The following ANGPT2 variants were observed in gnomAD, a reference collection of about 807,000 sequenced individuals.
The protein encoded by ANGPT2 is angiopoietin-2.
ANGPT2 carries 28 observed loss-of-function variants against 62.9 expected under a neutral mutation model. The ratio of observed to expected loss-of-function variants is 0.44; its 90% CI spans 0.33 to 0.61. The LOEUF (loss-of-function observed/expected upper bound fraction) is 0.61, where lower values mean the gene tolerates loss of function less well. Among genes scored for constraint, ANGPT2 ranks in the 20% least tolerant of loss-of-function variants. The probability of loss-of-function intolerance (pLI) is 0.03; values close to 1 mark genes in which losing one functional copy is unlikely to be tolerated. For missense variants in ANGPT2, 727 were observed against 594.9 expected (o/e 1.22, Z -2.31); for synonymous variants, 284 against 207.8 (o/e 1.37, Z -3.15).
At chr8:6,549,039 G>A (rs1223057802) in intron 1 of ANGPT2, among the ~76,000 whole-genome samples, 2 of 152,210 alleles carry the variant, frequency 1.3e-5, no homozygotes, top group African/African-American at 4.8e-5. Flanking sequence ...AGACCACTCA[G>A]CGTATTTTCT....
chr8:6,533,501 A>C (rs1178721960), intron 1 of ANGPT2, among the ~76,000 whole-genome samples: 1 of 151,802 alleles, frequency 6.6e-6, no homozygotes, highest in African/African-American at 2.4e-5. Flanking sequence ...GAGTGTCTTA[A>C]AGAGGGGTTA....
Position 6,503,336 on chromosome 8 carries a change from C to G in ANGPT2, c.1328-75G>C, listed in dbSNP as rs1812579055. The G allele has an allele frequency of 9.8e-6, 15 of 1,537,552 alleles. No individual in the cohort carries two copies. The East Asian group carries it at 3.4e-4, about 35-fold the overall frequency. ...CCACCACGAAGACAGCAATACTCAG[C>G]TAAGGCAGGAGGCACACTGCAGGCG... On this transcript the variant is annotated intron_variant, in intron 8 of 8. Coordinates refer to ENST00000629816, the MANE Select transcript of ANGPT2 (RefSeq NM_001118887.2).
intron 8 of ANGPT2, 40 bp from the exon 9 acceptor site, chr8:6,503,301 A>G: frequency 6.2e-7 from 1 of 1,610,472 alleles, no homozygotes; most frequent in East Asian, 2.2e-5. Context: ...GAACTAGGTG[A>G]TGCCAGCTCC....
chr8:6,509,166 GTAC>G (rs1814416319), intron 7 of ANGPT2, 104 bp from the exon 8 acceptor site: 3 of 1,448,774 alleles, frequency 2.1e-6, no homozygotes, highest in Non-Finnish European at 2.8e-6. Flanking sequence ...AGCGTGTTCT[GTAC>G]TCGTTAATGG....
chr8:6,505,465 T>TGTA (rs1813346493), intron 8 of ANGPT2, among the ~76,000 whole-genome samples: 1 of 76,908 alleles, frequency 1.3e-5, no homozygotes, highest in Non-Finnish European at 2.8e-5. Flanking sequence ...AATATATATA[T>TGTA]TCTTTACATA....
At chr8:6,547,057 C>T (rs1476551028) in intron 1 of ANGPT2, among the ~76,000 whole-genome samples, 4 of 152,048 alleles carry the variant, frequency 2.6e-5, no homozygotes, top group Non-Finnish European at 4.4e-5. Context: ...TCCGTGTGTA[C>T]CGTGGTTGCC....
intron 1 of ANGPT2, among the ~76,000 whole-genome samples, chr8:6,551,539 G>A (rs1166851112): frequency 6.6e-6 from 1 of 152,122 alleles, no homozygotes; most frequent in South Asian, 2.1e-4. Flanking sequence ...TTGAGGGGCT[G>A]GTGTTCTGAT....
chr8:6,558,482 C>G (rs1178625696), intron 1 of ANGPT2, among the ~76,000 whole-genome samples: 1 of 152,176 alleles, frequency 6.6e-6, no homozygotes, highest in East Asian at 1.9e-4. Flanking sequence ...CCAGACCATC[C>G]TGAGCATCTG....
chr8:6,515,414 G>C (rs1168060472), intron 5 of ANGPT2, among the ~76,000 whole-genome samples: 4 of 152,268 alleles, frequency 2.6e-5, no homozygotes, highest in East Asian at 3.9e-4. Flanking sequence ...GCTTGGCTTA[G>C]CACCTTGGCC....
intron 2 of ANGPT2, 116 bp from the exon 3 acceptor site, chr8:6,527,792 T>G (rs1818624257): frequency 2.1e-6 from 2 of 968,390 alleles, no homozygotes; most frequent in Non-Finnish European, 3.0e-6. Flanking sequence ...CATTATTTAT[T>G]AACCCAAGTA....
At chr8:6,534,838 C>G (rs75195933) in intron 1 of ANGPT2, among the ~76,000 whole-genome samples, 10,042 of 152,080 alleles carry the variant, frequency 0.066, 1,140 homozygotes, top group African/African-American at 0.23. Flanking sequence ...AAAACTGTAA[C>G]TTTTGTGATT....
At chr8:6,526,616 C>G (rs896535571) in intron 3 of ANGPT2, among the ~76,000 whole-genome samples, 25 of 152,048 alleles carry the variant, frequency 1.6e-4, no homozygotes, top group African/African-American at 5.8e-4. Context: ...ACTTGGTATC[C>G]AAAGGACAGA....
intron 1 of ANGPT2, among the ~76,000 whole-genome samples, chr8:6,549,690 G>A: frequency 6.8e-6 from 1 of 147,668 alleles, no homozygotes; most frequent in Non-Finnish European, 1.5e-5. Context: ...CTTCCGTATC[G>A]AGCTGGGCGG....
intron 3 of ANGPT2, among the ~76,000 whole-genome samples, chr8:6,523,300 A>G (rs1817716400): frequency 6.6e-6 from 1 of 152,060 alleles, no homozygotes; most frequent in Admixed American, 6.6e-5. Context: ...CCTGGCAGAA[A>G]AGCTTTTTAA....
rs1481243206 is a variant in ANGPT2, at chr8:6,502,405, A to C, written c.*696T>G. ...ACTAAAATGGCACGTTTCTGTTGAT[A>C]ATTTCAGAGATTCTGGAAGTTTCTA... On this transcript the variant is annotated 3_prime_UTR_variant, in exon 9 of 9. Coordinates refer to ENST00000629816, the MANE Select transcript of ANGPT2 (RefSeq NM_001118887.2). The C allele has an allele frequency of 1.3e-5, 2 of 152,246 alleles. No homozygotes were observed. The highest frequency in any genetic ancestry group is 4.8e-5 in the African/African-American group (2 of 41,468). 9.4% of individuals were successfully genotyped at this position (152,246 alleles called of 1,614,324 possible).
chr8:6,538,930 T>C (rs1586480418), intron 1 of ANGPT2, among the ~76,000 whole-genome samples: 1 of 152,238 alleles, frequency 6.6e-6, no homozygotes, highest in Non-Finnish European at 1.5e-5. Flanking sequence ...CTAATGTTCT[T>C]GGTTCCCTGT....
intron 5 of ANGPT2, among the ~76,000 whole-genome samples, chr8:6,515,929 AAG>A (rs1364864863): frequency 1.3e-5 from 2 of 152,180 alleles, no homozygotes; most frequent in African/African-American, 2.4e-5. Flanking sequence ...TACATGAGGA[AAG>A]AGGGGTGCAG....
intron 2 of ANGPT2, among the ~76,000 whole-genome samples, chr8:6,530,466 A>C (rs1386755972): frequency 6.8e-6 from 1 of 147,292 alleles, no homozygotes; most frequent in African/African-American, 2.5e-5. Context: ...TCGAGATCAC[A>C]CCACTGCACT....
At chr8:6,529,529 A>G (rs1440539761) in intron 2 of ANGPT2, among the ~76,000 whole-genome samples, 1 of 148,964 alleles carries the variant, frequency 6.7e-6, no homozygotes, top group African/African-American at 2.5e-5. Context: ...TCTGTTCACT[A>G]CAGACTCTGC....
Sources: allele counts gnomAD v4.1 joint callset (sites outside exome capture counted in the v4.1 genomes callset), GRCh38; gene constraint gnomAD v4.1.1; transcripts MANE v1.5; gene names NCBI Gene and HGNC (gene_info 2026-07-23, HGNC 2026-07-21).